Variants in PAX3 observed in about 807,000 individuals in gnomAD.
The protein encoded by PAX3 is paired box 3, also known as paired box protein Pax-3.
In PAX3, 14 loss-of-function variants were observed where a neutral mutation model predicts 51.6. The ratio of observed to expected loss-of-function variants is 0.27; its 90% CI spans 0.18 to 0.42. The LOEUF (loss-of-function observed/expected upper bound fraction) is 0.42. Ranked by LOEUF, PAX3 falls within the 10% of genes least tolerant of loss-of-function variation. The pLI is 1.00. For missense variants in PAX3, 540 were observed against 642.8 expected, an observed-to-expected ratio of 0.84 and a Z score of 1.73; for synonymous variants, 280 against 253.4, an observed-to-expected ratio of 1.11 and a Z score of -1.00.
At chr2:222,294,114 C>T (rs1190096132) in intron 4 of PAX3, 53 bp downstream of exon 4, 2 of 1,611,910 alleles carry the variant, frequency 1.2e-6, no homozygotes, top group Non-Finnish European at 8.5e-7. Context: ...GTCAGCTAGC[C>T]GATGCCCTCC....
chr2:222,224,240 G>C (rs1692300609), intron 5 of PAX3, among the ~76,000 whole-genome samples: 1 of 152,176 alleles, frequency 6.6e-6, no homozygotes, highest in Non-Finnish European at 1.5e-5. Flanking sequence ...AGAAATTGTT[G>C]TGAAGCAAAT....
chr2:222,232,601 C>T (rs1034024920), intron 4 of PAX3, among the ~76,000 whole-genome samples: 7 of 152,256 alleles, frequency 4.6e-5, no homozygotes, highest in South Asian at 4.1e-4. Context: ...TAGCATCTGT[C>T]ATTCTAGGCC....
intron 7 of PAX3, among the ~76,000 whole-genome samples, chr2:222,216,682 A>G (rs1691970793): frequency 6.6e-6 from 1 of 151,888 alleles, no homozygotes; most frequent in Admixed American, 6.6e-5. Context: ...CAAAACAAAA[A>G]CCAACTATTG....
intron 4 of PAX3, among the ~76,000 whole-genome samples, chr2:222,266,799 T>G (rs191472077): frequency 1.3e-5 from 2 of 152,194 alleles, no homozygotes; most frequent in Non-Finnish European, 1.5e-5. Context: ...ACTGAAACCA[T>G]GAGATCCCAA....
In PAX3 at chr2:222,257,384, G is replaced by A. The variant is rs573334119; in HGVS notation, c.587-25101C>T. 3.2e-4 allele frequency among the ~76,000 whole-genome samples: 48 copies of A among 152,262 alleles called. No homozygotes were observed. The South Asian group carries it at 9.3e-3, about 30-fold the overall frequency. ...AATGTACTTTTATGTTTTAAGCATAGTACTATGCTAGAATGATTATTTTTC... is the reference window on the plus strand; with the variant it reads ...AATGTACTTTTATGTTTTAAGCATAATACTATGCTAGAATGATTATTTTTC... On this transcript the variant is annotated intron_variant, in intron 4 of 8. Coordinates refer to ENST00000392070, the MANE Select transcript of PAX3 (RefSeq NM_181458.4).
intron 7 of PAX3, among the ~76,000 whole-genome samples, chr2:222,211,372 C>T (rs1691726461): frequency 6.6e-6 from 1 of 152,138 alleles, no homozygotes; most frequent in African/African-American, 2.4e-5. Flanking sequence ...AGTTTGAACT[C>T]TATTGGTGCT....
At chr2:222,280,196 A>T (rs1438926634) in intron 4 of PAX3, among the ~76,000 whole-genome samples, 3 of 151,500 alleles carry the variant, frequency 2.0e-5, no homozygotes, top group Non-Finnish European at 4.4e-5. Context: ...GGGCAACAAG[A>T]GTGAAACTCT....
chr2:222,282,433 T>C (rs1165368804), intron 4 of PAX3, among the ~76,000 whole-genome samples: 2 of 152,194 alleles, frequency 1.3e-5, no homozygotes, highest in Non-Finnish European at 2.9e-5. Context: ...CATGGATATA[T>C]ACTCTCTAAA....
At chr2:222,228,890 A>G (rs1055072106) in intron 5 of PAX3, among the ~76,000 whole-genome samples, 3 of 152,198 alleles carry the variant, frequency 2.0e-5, no homozygotes, top group Admixed American at 2.0e-4. Context: ...ACAGTGAGCC[A>G]TGATTAAGCC....
intron 4 of PAX3, among the ~76,000 whole-genome samples, chr2:222,260,710 C>T (rs1022932502): frequency 6.6e-6 from 1 of 150,748 alleles, no homozygotes; most frequent in East Asian, 2.0e-4. Context: ...TCCTCCTCAG[C>T]TTCCTGAGTA....
chr2:222,216,129 G>C (rs16863510), intron 7 of PAX3, among the ~76,000 whole-genome samples: 1,894 of 152,174 alleles, frequency 0.012, 43 homozygotes, highest in African/African-American at 0.042. Context: ...AATATCACTG[G>C]GGCAGCCCTT....
intron 4 of PAX3, among the ~76,000 whole-genome samples, chr2:222,283,081 T>C (rs1039385375): frequency 6.6e-5 from 10 of 152,214 alleles, no homozygotes; most frequent in African/African-American, 2.4e-4. Context: ...CCTTTTGTCC[T>C]TACCAGGGAG....
chr2:222,279,323 G>GTGTGTT (rs1284026565), intron 4 of PAX3, among the ~76,000 whole-genome samples: 1 of 151,398 alleles, frequency 6.6e-6, no homozygotes, highest in East Asian at 1.9e-4. Flanking sequence ...GTGTGTGTGT[G>GTGTGTT]TGTGTGTGGT....
intron 4 of PAX3, among the ~76,000 whole-genome samples, chr2:222,290,276 T>C (rs1047582003): frequency 3.9e-5 from 6 of 152,246 alleles, no homozygotes; most frequent in African/African-American, 1.4e-4. Context: ...TCGTCCTCGT[T>C]AACTTTACAA....
At chr2:222,278,933 G>A (rs1694529204) in intron 4 of PAX3, among the ~76,000 whole-genome samples, 1 of 152,112 alleles carries the variant, frequency 6.6e-6, no homozygotes, top group South Asian at 2.1e-4. Context: ...AGTTTCTTTT[G>A]TTTTTGTTGT....
At chr2:222,269,519 CT>C (rs2106157204) in intron 4 of PAX3, among the ~76,000 whole-genome samples, 1 of 152,276 alleles carries the variant, frequency 6.6e-6, no homozygotes. Context: ...TGGCCTGTGA[CT>C]TACTTTTCCT....
At chr2:222,297,746 G>C (rs755675551) in intron 1 of PAX3, among the ~76,000 whole-genome samples, 1 of 152,248 alleles carries the variant, frequency 6.6e-6, no homozygotes, top group Non-Finnish European at 1.5e-5. Context: ...TGTGTCACCT[G>C]TTACATCTTG....
chr2:222,294,978 G>A (rs1264525420), intron 3 of PAX3, among the ~76,000 whole-genome samples: 1 of 152,002 alleles, frequency 6.6e-6, no homozygotes, highest in Admixed American at 6.5e-5. Context: ...GAAAAAGGGA[G>A]TTTCCTTTTA....
chr2:222,236,677 G>A (rs764442807), intron 4 of PAX3, among the ~76,000 whole-genome samples: 10 of 152,176 alleles, frequency 6.6e-5, no homozygotes, highest in Non-Finnish European at 1.2e-4. Flanking sequence ...GGACAGTTGT[G>A]TAAATGAGTT....
Sources: allele counts gnomAD v4.1 joint callset (sites outside exome capture counted in the v4.1 genomes callset), GRCh38; gene constraint gnomAD v4.1.1; transcripts MANE v1.5; gene names NCBI Gene and HGNC (gene_info 2026-07-23, HGNC 2026-07-21).